The following KCNAB1 variants were observed in gnomAD, a reference collection of about 807,000 sequenced individuals.
The protein encoded by KCNAB1 is potassium voltage-gated channel subfamily A regulatory beta subunit 1.
KCNAB1 carries 35 observed loss-of-function variants against 64.6 expected under a neutral mutation model. The observed-to-expected ratio is 0.54, with a 90% CI of 0.41 to 0.72. The LOEUF (loss-of-function observed/expected upper bound fraction) is 0.72, where lower values mean the gene tolerates loss of function less well. KCNAB1 is among the 30% of genes least tolerant of loss of function. The pLI is 0.00. For synonymous variants in KCNAB1, 177 were observed against 183.8 expected (o/e 0.96, Z 0.30); for missense variants, 401 against 512.9 (o/e 0.78, Z 2.11).
intron 2 of KCNAB1, among the ~76,000 whole-genome samples, chr3:156,435,217 T>C (rs1172139137): frequency 1.3e-5 from 2 of 152,068 alleles, no homozygotes; most frequent in African/African-American, 4.8e-5. Context: ...TGGCAAGAAG[T>C]AGAGAGGGTT....
intron 1 of KCNAB1, among the ~76,000 whole-genome samples, chr3:156,166,031 G>A (rs1469731286): frequency 1.3e-5 from 2 of 152,170 alleles, no homozygotes; most frequent in Admixed American, 1.3e-4. Context: ...ATTTCTGGCT[G>A]GAGCTTGGGC....
intron 1 of KCNAB1, among the ~76,000 whole-genome samples, chr3:156,180,944 A>G (rs1204059419): frequency 6.6e-6 from 1 of 152,206 alleles, no homozygotes; most frequent in East Asian, 1.9e-4. Flanking sequence ...AGCCCTGGAC[A>G]GTGGAAGTCT....
chr3:156,216,306 T>C (rs1576613315), intron 1 of KCNAB1, among the ~76,000 whole-genome samples: 2 of 152,154 alleles, frequency 1.3e-5, no homozygotes, highest in South Asian at 2.1e-4. Context: ...GAAATGAAGA[T>C]TTAAAAGGTC....
intron 1 of KCNAB1, among the ~76,000 whole-genome samples, chr3:156,369,436 C>T (rs763356721): frequency 6.6e-6 from 1 of 152,192 alleles, no homozygotes; most frequent in Non-Finnish European, 1.5e-5. Context: ...CATATGTATT[C>T]GTTTCTCTTA....
chr3:156,249,643 G>C (rs1052519940), intron 1 of KCNAB1, among the ~76,000 whole-genome samples: 6 of 152,066 alleles, frequency 3.9e-5, no homozygotes, highest in African/African-American at 1.4e-4. Context: ...GCAGTTTCAA[G>C]GAGGAGAACG....
chr3:156,516,247 T>C, intron 10 of KCNAB1, 23 bp from the exon 11 acceptor site: 1 of 1,588,692 alleles, frequency 6.3e-7, no homozygotes, highest in Non-Finnish European at 8.6e-7. Flanking sequence ...CACAAGCAAC[T>C]TTCTAAGTTT....
chr3:156,335,660 C>G (rs989610265), intron 1 of KCNAB1, among the ~76,000 whole-genome samples: 67 of 152,278 alleles, frequency 4.4e-4, no homozygotes, highest in African/African-American at 1.5e-3. Context: ...TCATTTTCAA[C>G]TAACACTGAG....
chr3:156,183,285 G>C (rs2108349805), intron 1 of KCNAB1, among the ~76,000 whole-genome samples: 1 of 152,228 alleles, frequency 6.6e-6, no homozygotes, highest in South Asian at 2.1e-4. Flanking sequence ...AGGGCTTTGA[G>C]AAGGGGTGGG....
chr3:156,350,445 G>A (rs1462717611), intron 1 of KCNAB1, among the ~76,000 whole-genome samples: 1 of 151,304 alleles, frequency 6.6e-6, no homozygotes, highest in African/African-American at 2.4e-5. Flanking sequence ...TACTTGAGAG[G>A]CTAATGTGGG....
At chr3:156,480,642 A>G (rs559372933) in intron 8 of KCNAB1, among the ~76,000 whole-genome samples, 2 of 152,260 alleles carry the variant, frequency 1.3e-5, no homozygotes, top group East Asian at 3.9e-4. Context: ...TTAGTATCCA[A>G]AAGTTACTAA....
intron 1 of KCNAB1, among the ~76,000 whole-genome samples, chr3:156,141,431 A>G (rs747379058): frequency 3.5e-4 from 53 of 152,148 alleles, no homozygotes; most frequent in Non-Finnish European, 7.3e-4. Context: ...ACCCATGACA[A>G]TTATGAATTT....
chr3:156,176,105 A>G (rs185087537), intron 1 of KCNAB1: 2 of 768,000 alleles, frequency 2.6e-6, no homozygotes, highest in East Asian at 4.9e-5. Context: ...ATGTTTACAC[A>G]CCTCTCTTTG....
chr3:156,353,970 CAGG>C (rs1725028598), intron 1 of KCNAB1, among the ~76,000 whole-genome samples: 1 of 151,250 alleles, frequency 6.6e-6, no homozygotes, highest in Admixed American at 6.6e-5. Context: ...TAATGAATAT[CAGG>C]ACATGGGGGA....
chr3:156,398,571 C>T (rs562324121), intron 1 of KCNAB1, among the ~76,000 whole-genome samples: 122 of 132,744 alleles, frequency 9.2e-4, no homozygotes, highest in African/African-American at 3.6e-3. Flanking sequence ...CCAACCTGGG[C>T]GACAGCGAGA....
intron 1 of KCNAB1, among the ~76,000 whole-genome samples, chr3:156,136,422 A>G (rs1714351803): frequency 6.6e-6 from 1 of 152,162 alleles, no homozygotes; most frequent in African/African-American, 2.4e-5. Flanking sequence ...TGCTCTTTCT[A>G]CTATACTGTA....
chr3:156,132,394 A>G (rs1282191117), intron 1 of KCNAB1, among the ~76,000 whole-genome samples: 1 of 152,210 alleles, frequency 6.6e-6, no homozygotes, highest in Non-Finnish European at 1.5e-5. Flanking sequence ...TCCTTATGTC[A>G]GTCTATGAGC....
At position 156,523,912 on chromosome 3, in the gene KCNAB1, A is replaced by C; in HGVS notation, c.1046A>C (p.Glu349Ala). ...CTAAAAGACCTTTCCCCAATTGCGG[A>C]GCGTCTGGGATGCACACTACCTCAG... is the stretch of plus-strand genomic sequence containing the variant. ...NKLKDLSPIA[E>A]RLGCTLPQLA... Residue 349 changes from glutamate to alanine, a missense_variant, in exon 12 of 14, where the codon GAG (glutamate) becomes GCG (alanine). Transcript: ENST00000490337. The C allele has an allele frequency of 6.2e-7, 1 of 1,614,116 alleles. No individual in the cohort carries two copies. The highest frequency in any genetic ancestry group is 1.3e-5 in the African/African-American group (1 of 75,044).
chr3:156,401,307 C>G (rs898573572), intron 1 of KCNAB1, among the ~76,000 whole-genome samples: 3 of 152,232 alleles, frequency 2.0e-5, no homozygotes, highest in Admixed American at 6.5e-5. Flanking sequence ...TTGCAAGTCC[C>G]GGATGAACCA....
intron 1 of KCNAB1, among the ~76,000 whole-genome samples, chr3:156,272,145 G>T (rs1486836159): frequency 6.6e-6 from 1 of 152,228 alleles, no homozygotes; most frequent in Non-Finnish European, 1.5e-5. Flanking sequence ...ATTGTACTCG[G>T]TCTGACTTGG....
Sources: gnomAD v4.1 joint callset for allele counts (sites outside exome capture counted in the v4.1 genomes callset) on GRCh38, gnomAD v4.1.1 for gene constraint, MANE v1.5 for transcripts, NCBI Gene and HGNC (gene_info 2026-07-23, HGNC 2026-07-21) for gene names.